LARS2: variants seen among roughly 807,000 people sequenced by gnomAD.
LARS2 encodes leucine--tRNA ligase, mitochondrial.
LARS2 carries 81 observed loss-of-function variants against 116.6 expected under a neutral mutation model. The ratio of observed to expected loss-of-function variants is 0.69; its 90% CI spans 0.58 to 0.84. LARS2 has a LOEUF of 0.84. LARS2 is among the 40% of genes least tolerant of loss of function. LARS2 has a pLI of 0.00. For missense variants in LARS2, 968 were observed against 1,114.5 expected (o/e 0.87, Z 1.87); for synonymous variants, 396 against 407.2 (o/e 0.97, Z 0.33).
At chr3:45,394,295 G>A (rs1483156185) in intron 2 of LARS2, 138 bp from the exon 3 acceptor site, 4 of 601,516 alleles carry the variant, frequency 6.6e-6, no homozygotes, top group Admixed American at 3.0e-5. Context: ...AATTGCTAAA[G>A]TATTCTTTTC....
chr3:45,440,107 C>G (rs1171103318), intron 6 of LARS2, among the ~76,000 whole-genome samples: 1 of 152,202 alleles, frequency 6.6e-6, no homozygotes, highest in Non-Finnish European at 1.5e-5. Flanking sequence ...GAGCCTGTCT[C>G]TCCCTCTTCC....
chr3:45,428,602 G>A (rs937747634), intron 6 of LARS2, among the ~76,000 whole-genome samples: 1 of 152,144 alleles, frequency 6.6e-6, no homozygotes, highest in Non-Finnish European at 1.5e-5. Flanking sequence ...ATATTGTGGT[G>A]CAACCATTAT....
chr3:45,401,610 C>A (rs142520293), intron 4 of LARS2, among the ~76,000 whole-genome samples: 148 of 152,212 alleles, frequency 9.7e-4, no homozygotes, highest in African/African-American at 3.4e-3. Flanking sequence ...CTCTTTACCC[C>A]CCGCCTGCTT....
At chr3:45,444,089 C>T (rs886172923) in intron 6 of LARS2, among the ~76,000 whole-genome samples, 2 of 150,654 alleles carry the variant, frequency 1.3e-5, no homozygotes, top group South Asian at 4.2e-4. Flanking sequence ...ACTGCAAGCT[C>T]CGCCTCCTGG....
chr3:45,482,155 C>T (rs1456672228), intron 10 of LARS2, among the ~76,000 whole-genome samples: 4 of 152,188 alleles, frequency 2.6e-5, no homozygotes, highest in African/African-American at 9.7e-5. Flanking sequence ...AATATGCTAT[C>T]AGAAAACATT....
Position 45,547,580 on chromosome 3 carries a change from A to G in LARS2, c.*50A>G, listed in dbSNP as rs370273476. 90 of 1,514,352 alleles carry G rather than the reference A, an allele frequency of 5.9e-5. No homozygotes were observed. The highest frequency in any genetic ancestry group is 3.3e-4 in the Admixed American group (16 of 48,738). 93.8% of individuals were successfully genotyped at this position (1,514,352 alleles called of 1,614,324 possible). A position where few individuals can be genotyped will look rare whatever the true frequency, so the allele number is the denominator to read the frequency against. On this transcript the variant is annotated 3_prime_UTR_variant, in exon 22 of 22. Coordinates refer to ENST00000645846, the MANE Select transcript of LARS2 (RefSeq NM_015340.4). The stretch of plus-strand genomic sequence containing the variant: ...GAGGGCCTCTGAGGAACCTCCTTCC[A>G]GGCCTGGGATGAGGGGGCGATGTCT...
chr3:45,488,329 A>T (rs1455570915), intron 11 of LARS2, among the ~76,000 whole-genome samples: 2 of 152,198 alleles, frequency 1.3e-5, no homozygotes, highest in Non-Finnish European at 2.9e-5. Context: ...GCTACTCAGG[A>T]GGCTGAGATA....
intron 8 of LARS2, among the ~76,000 whole-genome samples, chr3:45,469,356 GT>G (rs67474665): frequency 4.1e-4 from 63 of 151,946 alleles, no homozygotes; most frequent in South Asian, 3.1e-3. Context: ...CTTGTTTTTT[GT>G]TTTTTTGAGA....
At chr3:45,417,690 A>T in intron 5 of LARS2, 117 bp downstream of exon 5, 1 of 648,266 alleles carries the variant, frequency 1.5e-6, no homozygotes, top group Non-Finnish European at 2.8e-6. Flanking sequence ...GTACCAAGAG[A>T]TAAATATGAT....
Position 45,458,756 on chromosome 3 carries a change from G to A in LARS2, c.620G>A (p.Trp207Ter), listed in dbSNP as rs1173929955. Residue 207 changes from tryptophan to a stop codon, truncating the protein, a stop_gained, in exon 8 of 22, where the codon TGG (tryptophan) becomes TAG (stop). Coordinates refer to ENST00000645846, the MANE Select transcript of LARS2 (RefSeq NM_015340.4). LOFTEE classifies it high-confidence loss of function. ...TGAATTATACAGGCCCTGGTTAACTGGGACCCAGTGGATCAAACAGTGCTT... is the reference window on the plus strand; with the variant it reads ...TGAATTATACAGGCCCTGGTTAACTAGGACCCAGTGGATCAAACAGTGCTT... ...LAYQKEALVNWDPVDQTVLAN... is the reference protein window; with the variant it reads ...LAYQKEALVN 1.9e-6 allele frequency: 3 copies of A among 1,613,998 alleles called. No homozygotes were observed. In the East Asian group the frequency reaches 6.7e-5, roughly 36 times the overall value.
chr3:45,504,919 A>G (rs1700176969), intron 15 of LARS2, among the ~76,000 whole-genome samples: 1 of 151,646 alleles, frequency 6.6e-6, no homozygotes, highest in Non-Finnish European at 1.5e-5. Flanking sequence ...ATCTCTACTA[A>G]AAATACAAGA....
At chr3:45,527,034 GT>G (rs1307727841) in intron 20 of LARS2, among the ~76,000 whole-genome samples, 1 of 152,154 alleles carries the variant, frequency 6.6e-6, no homozygotes, top group Non-Finnish European at 1.5e-5. Context: ...TGCATGCACT[GT>G]TTCTGAGTCA....
Position 45,421,397 on chromosome 3 carries a change from AG to A in LARS2, c.516+1670del, listed in dbSNP as rs549694138. On this transcript the variant is annotated intron_variant, in intron 6 of 21. Transcript: ENST00000645846. The stretch of plus-strand genomic sequence containing the variant: ...TAATTTCAAAAAAATCTTAATTCTG[AG>A]GCACATTTGGCTGACAGCATTTCAG... The A allele has an allele frequency of 1.2e-4, 18 of 152,334 alleles. No individual in the cohort carries two copies. The East Asian group carries it at 2.3e-3, about 20-fold the overall frequency. The allele number at this position is 152,334 out of a possible 1,614,324, so 9.4% of individuals were successfully genotyped here. A position where few individuals can be genotyped will look rare whatever the true frequency, so the allele number is the denominator to read the frequency against.
At chr3:45,421,481 C>G (rs191192424) in intron 6 of LARS2, 1 of 152,306 alleles carries the variant, frequency 6.6e-6, no homozygotes, top group Admixed American at 6.5e-5. Context: ...ACTTCTACTA[C>G]CATTGTCTAT....
chr3:45,489,371 G>A (rs2125730679), intron 12 of LARS2, among the ~76,000 whole-genome samples: 1 of 152,278 alleles, frequency 6.6e-6, no homozygotes, highest in East Asian at 1.9e-4. Flanking sequence ...GGTAGTGGGA[G>A]CAGTGATTCT....
At chr3:45,529,032 C>T (rs1020947617) in intron 20 of LARS2, among the ~76,000 whole-genome samples, 30 of 152,168 alleles carry the variant, frequency 2.0e-4, no homozygotes, top group Middle Eastern at 6.8e-3. Context: ...CCACGCCTGG[C>T]TAATTTTTGT....
chr3:45,541,655 C>G lies in LARS2; in HGVS notation c.2405-174C>G, dbSNP rs1002479991. On this transcript the variant is annotated intron_variant, in intron 20 of 21. Coordinates refer to ENST00000645846, the MANE Select transcript of LARS2 (RefSeq NM_015340.4). ...TGAAAAACAAAAGCTACCCAACAAC[C>G]TGGGATTATAAACCAGGCCAAAGTG... 34 of 668,572 alleles carry G rather than the reference C, an allele frequency of 5.1e-5. 1 individual carries two copies. The highest frequency in any genetic ancestry group is 5.0e-4 in the South Asian group (22 of 44,234). 41.4% of individuals were successfully genotyped at this position (668,572 alleles called of 1,614,324 possible). A position where few individuals can be genotyped will look rare whatever the true frequency, so the allele number is the denominator to read the frequency against.
chr3:45,496,092 C>A (rs763859169), intron 13 of LARS2, among the ~76,000 whole-genome samples, 183 bp from the exon 14 acceptor site: 8 of 152,178 alleles, frequency 5.3e-5, no homozygotes, highest in Non-Finnish European at 1.2e-4. Flanking sequence ...ATCTTTTGAC[C>A]TCGTGATCCA....
intron 15 of LARS2, among the ~76,000 whole-genome samples, chr3:45,505,681 A>G (rs2125744600): frequency 6.6e-6 from 1 of 152,130 alleles, no homozygotes; most frequent in African/African-American, 2.4e-5. Flanking sequence ...AAAGTAAGAC[A>G]CTGCCTACAA....
Sources: allele counts gnomAD v4.1 joint callset (sites outside exome capture counted in the v4.1 genomes callset), GRCh38; gene constraint gnomAD v4.1.1; transcripts MANE v1.5; gene names NCBI Gene and HGNC (gene_info 2026-07-23, HGNC 2026-07-21).